The following ROR1 variants were observed in gnomAD, a reference collection of about 807,000 sequenced individuals.
ROR1 encodes ROR family WNT receptor 1, also known as inactive tyrosine-protein kinase transmembrane receptor ROR1.
ROR1 carries 19 observed loss-of-function variants against 78.8 expected under a neutral mutation model. That is an observed-to-expected ratio of 0.24 (90% CI 0.17 to 0.35). The LOEUF (loss-of-function observed/expected upper bound fraction) is 0.35, where lower values mean the gene tolerates loss of function less well. Ranked by LOEUF, ROR1 falls within the 10% of genes least tolerant of loss-of-function variation. ROR1 has a pLI of 1.00. For missense variants in ROR1, 917 were observed against 1,177.8 expected (o/e 0.78, Z 3.24); for synonymous variants, 386 against 433.6 (o/e 0.89, Z 1.36).
intron 8 of ROR1, among the ~76,000 whole-genome samples, chr1:64,174,951 T>C (rs187929044): frequency 2.0e-5 from 3 of 149,972 alleles, no homozygotes; most frequent in Admixed American, 2.0e-4. Flanking sequence ...TGGATGGACT[T>C]ACAATTGCAA....
chr1:63,855,881 T>A (rs1645145405), intron 1 of ROR1, among the ~76,000 whole-genome samples: 1 of 151,874 alleles, frequency 6.6e-6, no homozygotes, highest in Non-Finnish European at 1.5e-5. Context: ...ATGGTCTTGA[T>A]CTCTTGACCT....
intron 1 of ROR1, among the ~76,000 whole-genome samples, chr1:63,804,358 T>C (rs1644815628): frequency 6.6e-6 from 1 of 152,214 alleles, no homozygotes; most frequent in Non-Finnish European, 1.5e-5. Context: ...ATTTTTCTAT[T>C]GTATTAGTGT....
At chr1:64,150,693 A>C (rs1000158975) in intron 7 of ROR1, among the ~76,000 whole-genome samples, 1 of 152,226 alleles carries the variant, frequency 6.6e-6, no homozygotes, top group Non-Finnish European at 1.5e-5. Context: ...TTTCTGGAAG[A>C]GTTATTTTTA....
chr1:63,890,408 A>G (rs1355724007), intron 1 of ROR1, among the ~76,000 whole-genome samples: 1 of 150,612 alleles, frequency 6.6e-6, no homozygotes, highest in African/African-American at 2.4e-5. Context: ...GTCCTGTGCT[A>G]CATGTAATAG....
chr1:63,862,576 T>A (rs1645188874), intron 1 of ROR1, among the ~76,000 whole-genome samples: 1 of 152,028 alleles, frequency 6.6e-6, no homozygotes, highest in East Asian at 1.9e-4. Flanking sequence ...GAATTTTGAG[T>A]AAAGAAACCC....
At chr1:64,070,359 C>A (rs1646993534) in intron 4 of ROR1, among the ~76,000 whole-genome samples, 1 of 152,126 alleles carries the variant, frequency 6.6e-6, no homozygotes. Context: ...GAGAGGGTCT[C>A]ATTCTGTCAC....
intron 1 of ROR1, among the ~76,000 whole-genome samples, chr1:63,901,952 C>T (rs928465260): frequency 1.1e-4 from 16 of 152,104 alleles, no homozygotes; most frequent in East Asian, 3.9e-4. Flanking sequence ...AAAGGATACA[C>T]GACTCTAAAT....
chr1:63,783,620 C>G (rs1644666526), intron 1 of ROR1, among the ~76,000 whole-genome samples: 1 of 152,286 alleles, frequency 6.6e-6, no homozygotes, highest in South Asian at 2.1e-4. Context: ...ATGCCCAAAG[C>G]AGAATCCAGG....
intron 1 of ROR1, among the ~76,000 whole-genome samples, chr1:63,952,120 G>A (rs563881672): frequency 6.6e-6 from 1 of 152,262 alleles, no homozygotes; most frequent in Admixed American, 6.5e-5. Flanking sequence ...GTTAGGGTAC[G>A]ATGGGGTGGT....
At chr1:63,787,379 G>A (rs1237784066) in intron 1 of ROR1, among the ~76,000 whole-genome samples, 1 of 152,018 alleles carries the variant, frequency 6.6e-6, no homozygotes, top group Non-Finnish European at 1.5e-5. Context: ...ACCTGGCAAG[G>A]CATTTTGTAT....
chr1:63,958,831 G>A (rs1646004765), intron 1 of ROR1, among the ~76,000 whole-genome samples: 1 of 152,180 alleles, frequency 6.6e-6, no homozygotes, highest in African/African-American at 2.4e-5. Flanking sequence ...TCAGCTATCT[G>A]TCTGCCTTTT....
intron 1 of ROR1, among the ~76,000 whole-genome samples, chr1:63,980,415 T>C (rs1019745953): frequency 6.6e-6 from 1 of 152,210 alleles, no homozygotes; most frequent in Non-Finnish European, 1.5e-5. Context: ...AAGGCCTGTG[T>C]GAATGTAAAT....
intron 1 of ROR1, among the ~76,000 whole-genome samples, chr1:63,903,796 CT>C (rs147907576): frequency 0.013 from 2,031 of 152,022 alleles, 46 homozygotes; most frequent in African/African-American, 0.047. Context: ...TTCTCATTCT[CT>C]TTTTTTCTTA....
chr1:64,142,380 G>C (rs372301188), intron 6 of ROR1, 25 bp from the exon 7 acceptor site: 1 of 1,612,080 alleles, frequency 6.2e-7, no homozygotes, highest in Non-Finnish European at 8.5e-7. Flanking sequence ...CTTTCTAATT[G>C]TTTGGGTTTT....
At chr1:63,898,284 A>G (rs577371711) in intron 1 of ROR1, among the ~76,000 whole-genome samples, 2 of 149,244 alleles carry the variant, frequency 1.3e-5, no homozygotes, top group Admixed American at 6.9e-5. Flanking sequence ...AGTATAGTAC[A>G]GCAGGTAAAT....
At chr1:64,009,460 C>A in intron 2 of ROR1, 84 bp downstream of exon 2, 1 of 1,089,124 alleles carries the variant, frequency 9.2e-7, no homozygotes, top group Non-Finnish European at 1.4e-6. Context: ...TTGAAATCAA[C>A]TGTTTTTCAG....
intron 1 of ROR1, among the ~76,000 whole-genome samples, chr1:64,002,267 G>T (rs1646390702): frequency 1.3e-5 from 2 of 151,752 alleles, no homozygotes; most frequent in Admixed American, 1.3e-4. Flanking sequence ...CCGAGTAGCT[G>T]GGATTACAGG....
At chr1:63,906,063 CA>C (rs1256400031) in intron 1 of ROR1, among the ~76,000 whole-genome samples, 4 of 152,050 alleles carry the variant, frequency 2.6e-5, no homozygotes, top group African/African-American at 4.8e-5. Flanking sequence ...ATTTTATAAG[CA>C]AAGGTGGAAT....
intron 1 of ROR1, among the ~76,000 whole-genome samples, chr1:63,972,834 G>A (rs1264295854): frequency 2.0e-5 from 3 of 152,178 alleles, no homozygotes; most frequent in African/African-American, 4.8e-5. Context: ...ATTTTTTCAA[G>A]AAAAGCTGGA....
Sources: gnomAD v4.1 joint callset for allele counts (sites outside exome capture counted in the v4.1 genomes callset) on GRCh38, gnomAD v4.1.1 for gene constraint, MANE v1.5 for transcripts, NCBI Gene and HGNC (gene_info 2026-07-23, HGNC 2026-07-21) for gene names.